KLHL6: variants seen among roughly 807,000 people sequenced by gnomAD.
KLHL6 encodes kelch-like protein 6.
A neutral mutation model predicts 58.6 loss-of-function variants in KLHL6; 41 were observed. That is an observed-to-expected ratio of 0.70 (90% confidence interval 0.55 to 0.91). The LOEUF (loss-of-function observed/expected upper bound fraction) is 0.91, where lower values mean the gene tolerates loss of function less well. Ranked by LOEUF, KLHL6 falls within the 40% of genes least tolerant of loss-of-function variation. The pLI is 0.00. For missense variants in KLHL6, 714 were observed against 805.6 expected (o/e 0.89, Z 1.38); for synonymous variants, 338 against 322.7 (o/e 1.05, Z -0.51).
chr3:183,499,722 A>G lies in KLHL6; in HGVS notation c.1015T>C (p.Cys339Arg), dbSNP rs1304185544. The G allele has an allele frequency of 6.2e-7, 1 of 1,611,506 alleles. No individual in the cohort carries two copies. The highest frequency in any genetic ancestry group is 1.1e-5 in the South Asian group (1 of 90,118). ...KDERFVAEVT[C>R]LDPLRRSRLE... ...CGGCTGCGCCTCAGGGGGTCCAGGC[A>G]GGTCACCTCTGCCACAAACCGTTCA... The change falls in exon 4 of 7, where the codon TGC becomes CGC. Residue 339 changes from cysteine to arginine, a missense_variant. Transcript: ENST00000341319. The surrounding 1 kb of genome is among the most constrained non-coding windows in gnomAD (Gnocchi z 4.6).
chr3:183,555,475 T>C lies in KLHL6; in HGVS notation c.179A>G (p.Asn60Ser). The C allele has an allele frequency of 6.2e-7, 1 of 1,614,170 alleles. No individual in the cohort carries two copies. Among genetic ancestry groups the C allele is most frequent in the African/African-American group, 1.3e-5 (1 of 75,034 alleles). The change falls in exon 1 of 7, where the codon AAT becomes AGT. Residue 60 changes from asparagine to serine, a missense_variant. Around this residue, in one of 2 missense-constraint regions of KLHL6, gnomAD observed 204 missense variants for 175.9 expected, o/e 1.16. Transcript: ENST00000341319. ...DDAGLSLILQ[N>S]GLETLRMENA... is the part of the protein sequence containing the mutation. ...TTCCATTCGCAGGGTTTCCAGGCCA[T>C]TCTGAAGAATTAAGGAGAGTCCCGC...
chr3:183,500,548 G>T (rs546747203), intron 3 of KLHL6, among the ~76,000 whole-genome samples: 1 of 152,210 alleles, frequency 6.6e-6, no homozygotes, highest in Admixed American at 6.5e-5. Context: ...TAAACTGCTT[G>T]TAATCATTGC....
chr3:183,504,858 A>C (rs1253284174), intron 3 of KLHL6, among the ~76,000 whole-genome samples: 2 of 152,054 alleles, frequency 1.3e-5, no homozygotes, highest in Non-Finnish European at 2.9e-5. Context: ...CCTTCTTCTC[A>C]TCCTCTACCC....
intron 2 of KLHL6, among the ~76,000 whole-genome samples, chr3:183,525,265 A>ACACACACAC (rs1553811014): frequency 3.1e-3 from 164 of 52,656 alleles, no homozygotes; most frequent in African/African-American, 7.9e-3. Flanking sequence ...CTCTCTAAAA[A>ACACACACAC]AAAAACACAC....
Position 183,513,770 on chromosome 3 carries a change from T to C in KLHL6, c.460-5262A>G, listed in dbSNP as rs921066488. Among the ~76,000 whole-genome samples the C allele has an allele frequency of 3.9e-5, 6 of 152,284 alleles. No homozygotes were observed. The South Asian group carries it at 6.2e-4, about 16-fold the overall frequency. On this transcript the variant is annotated intron_variant, in intron 2 of 6. Coordinates refer to ENST00000341319, the MANE Select transcript of KLHL6 (RefSeq NM_130446.4). ...GTGCAGAATGTGCAGGTTTGTTACA[T>C]AGGTATACGTGTGCCATGGTTTGCT...
chr3:183,513,239 A>G (rs1026945592), intron 2 of KLHL6, among the ~76,000 whole-genome samples: 1 of 152,366 alleles, frequency 6.6e-6, no homozygotes, highest in East Asian at 1.9e-4. Context: ...AGAGTTACTC[A>G]ATCCTCACCA....
intron 3 of KLHL6, among the ~76,000 whole-genome samples, chr3:183,503,091 A>G (rs1717913821): frequency 6.6e-6 from 1 of 152,260 alleles, no homozygotes; most frequent in African/African-American, 2.4e-5. Context: ...GTGTTTGCCA[A>G]TGAATTGCAT....
intron 1 of KLHL6, among the ~76,000 whole-genome samples, chr3:183,531,454 T>G (rs865897574): frequency 3.8e-5 from 5 of 131,974 alleles, no homozygotes; most frequent in Admixed American, 7.2e-5. Flanking sequence ...TTTTTTTTTT[T>G]TTTTTTTTTT....
chr3:183,526,153 C>CA (rs1243036276), intron 2 of KLHL6, among the ~76,000 whole-genome samples: 2 of 151,378 alleles, frequency 1.3e-5, no homozygotes, highest in South Asian at 2.1e-4. Flanking sequence ...ACTAAAAATA[C>CA]AAAAAAAATT....
At chr3:183,507,964 A>T in intron 3 of KLHL6, 95 bp downstream of exon 3, 1 of 1,114,072 alleles carries the variant, frequency 9.0e-7, no homozygotes, top group Non-Finnish European at 1.3e-6. Flanking sequence ...TAATGCCCTA[A>T]GGATTTTTGA....
At chr3:183,500,467 T>C (rs1241939853) in intron 3 of KLHL6, among the ~76,000 whole-genome samples, 1 of 152,098 alleles carries the variant, frequency 6.6e-6, no homozygotes, top group Non-Finnish European at 1.5e-5. Context: ...AGAGCAGAGG[T>C]TCAGAAGTCA....
chr3:183,507,170 G>C (rs1247145075), intron 3 of KLHL6, among the ~76,000 whole-genome samples: 1 of 152,178 alleles, frequency 6.6e-6, no homozygotes, highest in Non-Finnish European at 1.5e-5. Flanking sequence ...AATGAAGAAG[G>C]CAAGCCCAGG....
chr3:183,555,514 A>G lies in KLHL6; in HGVS notation c.140T>C (p.Val47Ala). ...DLVEILNGEKVKFDDAGLSLI... is the reference protein window; with the variant it reads ...DLVEILNGEKAKFDDAGLSLI... ...GGAGAGTCCCGCGTCGTCAAATTTG[A>G]CCTTTTCCCCATTTAAGATCTCGAC... The change falls in exon 1 of 7, where the codon GTC becomes GCC. Residue 47 changes from valine to alanine, a missense_variant. Val to Ala is a moderately conservative substitution (Grantham distance 64). Coordinates refer to ENST00000341319, the MANE Select transcript of KLHL6 (RefSeq NM_130446.4). 6.2e-7 allele frequency: 1 copy of G among 1,614,094 alleles called. No individual in the cohort carries two copies. The highest frequency in any genetic ancestry group is 8.5e-7 in the Non-Finnish European group (1 of 1,180,014).
intron 1 of KLHL6, among the ~76,000 whole-genome samples, chr3:183,545,748 A>G (rs115833877): frequency 3.1e-4 from 47 of 152,364 alleles, no homozygotes; most frequent in African/African-American, 1.1e-3. Flanking sequence ...GCACATCTGT[A>G]TGCAGGTGGT....
At chr3:183,503,410 G>A (rs908524028) in intron 3 of KLHL6, among the ~76,000 whole-genome samples, 1 of 152,082 alleles carries the variant, frequency 6.6e-6, no homozygotes, top group Non-Finnish European at 1.5e-5. Context: ...CAAATCAAAT[G>A]GAGACTGACA....
chr3:183,492,372 G>T lies in KLHL6; in HGVS notation c.1564+122C>A. 7.7e-7 allele frequency: 1 copy of T among 1,303,634 alleles called. No homozygotes were observed. Among genetic ancestry groups the T allele is most frequent in the Non-Finnish European group, 1.1e-6 (1 of 940,146 alleles). 80.8% of individuals were successfully genotyped at this position (1,303,634 alleles called of 1,614,324 possible). ...CGATTGATGGCTCTCCTGAAAGCCAGAGTGGGTCCTAGGGGCAGTGAGTTG... is the reference window on the plus strand; with the variant it reads ...CGATTGATGGCTCTCCTGAAAGCCATAGTGGGTCCTAGGGGCAGTGAGTTG... On this transcript the variant is annotated intron_variant, in intron 6 of 6. Coordinates refer to ENST00000341319, the MANE Select transcript of KLHL6 (RefSeq NM_130446.4). This position sits in a 1 kb window ranked among gnomAD's most constrained non-coding sequence, Gnocchi z 5.9.
intron 2 of KLHL6, among the ~76,000 whole-genome samples, chr3:183,513,034 T>A (rs1560098465): frequency 6.6e-6 from 1 of 152,164 alleles, no homozygotes; most frequent in Non-Finnish European, 1.5e-5. Flanking sequence ...TTAGCAGTGG[T>A]TATAGATAAA....
At chr3:183,530,352 G>A (rs1041971139) in intron 1 of KLHL6, among the ~76,000 whole-genome samples, 4 of 152,184 alleles carry the variant, frequency 2.6e-5, no homozygotes, top group Non-Finnish European at 5.9e-5. Context: ...TGAGGAACAC[G>A]TATTGGAAAC....
intron 1 of KLHL6, among the ~76,000 whole-genome samples, chr3:183,540,304 A>G (rs1416797561): frequency 6.6e-6 from 1 of 152,194 alleles, no homozygotes; most frequent in Admixed American, 6.5e-5. Context: ...CTGAGAGAGA[A>G]ACCCACACAG....
Sources: allele counts gnomAD v4.1 joint callset (sites outside exome capture counted in the v4.1 genomes callset), GRCh38; gene constraint gnomAD v4.1.1; regional missense constraint gnomAD v4.1.1; non-coding constraint Gnocchi (gnomAD v3.1); transcripts MANE v1.5; gene names NCBI Gene and HGNC (gene_info 2026-07-23, HGNC 2026-07-21).